PTK2B: variants seen among roughly 807,000 people sequenced by gnomAD.
PTK2B encodes the protein protein tyrosine kinase 2 beta.
PTK2B carries 71 observed loss-of-function variants against 142.9 expected under a neutral mutation model. That is an observed-to-expected ratio of 0.50 (90% CI 0.41 to 0.61). The LOEUF is 0.61. Ranked by LOEUF, PTK2B falls within the 20% of genes least tolerant of loss-of-function variation. The pLI is 0.00. For missense variants in PTK2B, 1,105 were observed against 1,320.4 expected, an observed-to-expected ratio of 0.84 and a Z score of 2.53; for synonymous variants, 519 against 503.4, an observed-to-expected ratio of 1.03 and a Z score of -0.42.
intron 1 of PTK2B, among the ~76,000 whole-genome samples, chr8:27,354,516 A>G (rs1410165162): frequency 1.3e-5 from 2 of 152,202 alleles, no homozygotes; most frequent in African/African-American, 2.4e-5. Flanking sequence ...GTCACCTGCA[A>G]TCTATGTGCA....
intron 1 of PTK2B, among the ~76,000 whole-genome samples, chr8:27,370,696 C>T (rs1806300344): frequency 6.6e-6 from 1 of 152,198 alleles, no homozygotes; most frequent in Non-Finnish European, 1.5e-5. Context: ...TGCCTCACGA[C>T]CTTCTACCCA....
At chr8:27,407,233 C>G (rs1808773311) in intron 2 of PTK2B, among the ~76,000 whole-genome samples, 1 of 152,274 alleles carries the variant, frequency 6.6e-6, no homozygotes, top group East Asian at 1.9e-4. Flanking sequence ...TACTTCCCGT[C>G]TTCACACACA....
intron 3 of PTK2B, among the ~76,000 whole-genome samples, chr8:27,319,420 A>C (rs1269429539): frequency 6.6e-6 from 1 of 151,036 alleles, no homozygotes; most frequent in Non-Finnish European, 1.5e-5. Flanking sequence ...AGGCGGGAGG[A>C]TCACGAGGTC....
intron 1 of PTK2B, among the ~76,000 whole-genome samples, chr8:27,331,270 G>A (rs1803732829): frequency 6.6e-6 from 1 of 152,112 alleles, no homozygotes; most frequent in Non-Finnish European, 1.5e-5. Context: ...GATTCTGTGA[G>A]AACCTGCCCC....
Position 27,354,974 on chromosome 8 carries a change from A to C in PTK2B, c.-38+29293A>C, listed in dbSNP as rs140567694. Among the ~76,000 whole-genome samples, 111 of 152,254 alleles carry C rather than the reference A, an allele frequency of 7.3e-4. 1 individual carries two copies. The highest frequency in any genetic ancestry group is 2.2e-3 in the African/African-American group (91 of 41,548). ...CCACCTTGCTCTTCAGTCTTGAGGGAATGATGTTCTTACAGTAAACGACTC... is the reference window on the plus strand; with the variant it reads ...CCACCTTGCTCTTCAGTCTTGAGGGCATGATGTTCTTACAGTAAACGACTC... On this transcript the variant is annotated intron_variant, in intron 1 of 30. Coordinates refer to ENST00000346049, the MANE Select transcript of PTK2B (RefSeq NM_173176.3).
In PTK2B at chr8:27,459,173, C is replaced by G. The variant is rs1010439536; in HGVS notation, c.*664C>G. Reference sequence around the variant, plus strand: ...GGGGGAAGAAGCAGAGAGATGCGGCCAAGATAGGACCTTGGGCCAAATCCG... The same window carrying G: ...GGGGGAAGAAGCAGAGAGATGCGGCGAAGATAGGACCTTGGGCCAAATCCG... On this transcript the variant is annotated 3_prime_UTR_variant, in exon 31 of 31. Transcript: ENST00000346049. The G allele has an allele frequency of 8.5e-6, 2 of 236,382 alleles. No homozygotes were observed. Among genetic ancestry groups the G allele is most frequent in the Non-Finnish European group, 1.7e-5 (2 of 119,972 alleles). 14.6% of individuals were successfully genotyped at this position (236,382 alleles called of 1,614,324 possible).
At chr8:27,318,964 T>C (rs1803149081) in intron 3 of PTK2B, among the ~76,000 whole-genome samples, 2 of 149,452 alleles carry the variant, frequency 1.3e-5, no homozygotes, top group African/African-American at 5.0e-5. Flanking sequence ...CGTGTTGTTC[T>C]TTAATGGAAC....
At chr8:27,411,383 C>T (rs1290634874) in intron 2 of PTK2B, among the ~76,000 whole-genome samples, 3 of 152,168 alleles carry the variant, frequency 2.0e-5, no homozygotes, top group African/African-American at 7.2e-5. Context: ...GGCCACCCCC[C>T]TGAATTCACA....
intron 1 of PTK2B, among the ~76,000 whole-genome samples, chr8:27,364,619 T>G (rs568882462): frequency 6.6e-6 from 1 of 152,342 alleles, no homozygotes; most frequent in South Asian, 2.1e-4. Context: ...ATTCTTGAGC[T>G]ACAGTTAAGC....
rs1032536257 is a variant in PTK2B at position 27,363,106 on chromosome 8, T to G, written c.-37-34442T>G. Among the ~76,000 whole-genome samples, 1 of 152,106 alleles carries G rather than the reference T, an allele frequency of 6.6e-6. No homozygotes were observed. Among genetic ancestry groups the G allele is most frequent in the Admixed American group, 6.5e-5 (1 of 15,270 alleles). ...GATATCCCACTGGCCCTGGGCAAAT[T>G]CCCTCATTGGAGTAGGGACTAGGAC... On this transcript the variant is annotated intron_variant, in intron 1 of 30. Transcript: ENST00000346049. The surrounding 1 kb of genome is among the most constrained non-coding windows in gnomAD (Gnocchi z 4.3).
intron 2 of PTK2B, among the ~76,000 whole-genome samples, chr8:27,408,061 A>C (rs1415347537): frequency 3.3e-5 from 5 of 152,162 alleles, no homozygotes; most frequent in African/African-American, 9.7e-5. Context: ...ATATCCCCAA[A>C]TGAAGGCCTC....
chr8:27,434,420 CAG>C, intron 12 of PTK2B, 91 bp from the exon 13 acceptor site: 2 of 1,368,566 alleles, frequency 1.5e-6, no homozygotes, highest in Non-Finnish European at 2.0e-6. Flanking sequence ...TACTTCTCCA[CAG>C]GGGGCAGGAG....
At chr8:27,417,348 T>G (rs370621179) in intron 2 of PTK2B, among the ~76,000 whole-genome samples, 1 of 152,152 alleles carries the variant, frequency 6.6e-6, no homozygotes, top group African/African-American at 2.4e-5. Flanking sequence ...GTATGCTAAA[T>G]GATTCCATTT....
intron 1 of PTK2B, among the ~76,000 whole-genome samples, chr8:27,367,220 T>C (rs1190118866): frequency 1.3e-5 from 2 of 152,206 alleles, no homozygotes; most frequent in Non-Finnish European, 2.9e-5. Flanking sequence ...GGAAATAATG[T>C]CAAGGGCTCT....
intron 1 of PTK2B, among the ~76,000 whole-genome samples, chr8:27,327,608 C>G (rs1361498489): frequency 6.6e-6 from 1 of 152,184 alleles, no homozygotes; most frequent in African/African-American, 2.4e-5. Context: ...TGAGAACAGT[C>G]TCAGGTCTAT....
At chr8:27,331,288 C>A (rs146896906) in intron 1 of PTK2B, among the ~76,000 whole-genome samples, 2 of 152,264 alleles carry the variant, frequency 1.3e-5, no homozygotes, top group African/African-American at 4.8e-5. Flanking sequence ...CCCCCACAAG[C>A]CATAGCAGTC....
intron 5 of PTK2B, among the ~76,000 whole-genome samples, chr8:27,429,046 A>T (rs1810251270): frequency 6.6e-6 from 1 of 151,962 alleles, no homozygotes; most frequent in South Asian, 2.1e-4. Context: ...CAGCCTCCCG[A>T]GTAGTACGTG....
chr8:27,375,009 T>C (rs935696345), intron 1 of PTK2B, among the ~76,000 whole-genome samples: 1 of 152,014 alleles, frequency 6.6e-6, no homozygotes. Flanking sequence ...GGGACCTGAG[T>C]CCAAAGAGCT....
At chr8:27,377,446 G>A (rs1806740370) in intron 1 of PTK2B, among the ~76,000 whole-genome samples, 1 of 152,200 alleles carries the variant, frequency 6.6e-6, no homozygotes, top group African/African-American at 2.4e-5. Flanking sequence ...TGATTAGACT[G>A]GGCCATGACA....
Sources: gnomAD v4.1 joint callset for allele counts (sites outside exome capture counted in the v4.1 genomes callset) on GRCh38, gnomAD v4.1.1 for gene constraint, Gnocchi (gnomAD v3.1) non-coding constraint, MANE v1.5 for transcripts, NCBI Gene and HGNC (gene_info 2026-07-23, HGNC 2026-07-21) for gene names.